The following NMU variants were observed in gnomAD, a reference collection of about 807,000 sequenced individuals.
The protein encoded by NMU is neuromedin-U.
Under a neutral mutation model 35.4 loss-of-function variants are expected in NMU, and 29 were observed. The ratio of observed to expected loss-of-function variants is 0.82; its 90% CI spans 0.61 to 1.12. The LOEUF is 1.12. Among genes scored for constraint, NMU ranks in the 50% most tolerant of loss-of-function variants. The probability of loss-of-function intolerance (pLI) is 0.00; values close to 1 mark genes in which losing one functional copy is unlikely to be tolerated. For synonymous variants in NMU, 78 were observed against 81.3 expected (o/e 0.96, Z 0.22); for missense variants, 199 against 206.2 (o/e 0.97, Z 0.21).
chr4:55,614,040 A>G (rs1165230768), intron 3 of NMU, among the ~76,000 whole-genome samples: 1 of 152,194 alleles, frequency 6.6e-6, no homozygotes, highest in East Asian at 1.9e-4. Flanking sequence ...CATTCCAAAG[A>G]GATGCATCTG....
intron 8 of NMU, 94 bp from the exon 9 acceptor site, chr4:55,599,275 G>T (rs79528255): frequency 6.1e-6 from 6 of 989,634 alleles, no homozygotes; most frequent in Non-Finnish European, 9.8e-6. Flanking sequence ...AGTGTTTAAC[G>T]TGCATCACAA....
chr4:55,597,721 G>C (rs1733248568), intron 9 of NMU, among the ~76,000 whole-genome samples: 1 of 152,100 alleles, frequency 6.6e-6, no homozygotes, highest in African/African-American at 2.4e-5. Flanking sequence ...CTATTAGTCT[G>C]TTTAGTGTTT....
intron 9 of NMU, among the ~76,000 whole-genome samples, chr4:55,598,533 C>A (rs1051849620): frequency 2.6e-5 from 4 of 152,134 alleles, no homozygotes; most frequent in Admixed American, 2.6e-4. Context: ...TTAGGATTAA[C>A]ATATTTATTA....
chr4:55,595,514 A>C (rs1733130519), intron 9 of NMU, 103 bp from the exon 10 acceptor site: 1 of 146,966 alleles, frequency 6.8e-6, no homozygotes, highest in Non-Finnish European at 1.5e-5. Flanking sequence ...TCATAGAATA[A>C]CAGTAGCATC....
chr4:55,626,744 A>T (rs1036033674), intron 2 of NMU, among the ~76,000 whole-genome samples: 1 of 152,146 alleles, frequency 6.6e-6, no homozygotes, highest in Non-Finnish European at 1.5e-5. Context: ...AAAAACCAAC[A>T]AAGGCCCTTA....
At chr4:55,600,374 T>C in intron 8 of NMU, 148 bp downstream of exon 8, 1 of 634,414 alleles carries the variant, frequency 1.6e-6, no homozygotes, top group South Asian at 2.0e-5. Flanking sequence ...AATAAGGTGG[T>C]GACAGAAGTG....
intron 8 of NMU, among the ~76,000 whole-genome samples, chr4:55,599,879 T>C (rs764994639): frequency 2.0e-5 from 3 of 152,188 alleles, no homozygotes; most frequent in Non-Finnish European, 4.4e-5. Flanking sequence ...TCCTAGAGCA[T>C]AGGAATGGAA....
chr4:55,598,172 GCCT>G lies in NMU; in HGVS notation c.*4+967_*4+969del, dbSNP rs1260094850. ...TGCAGAGGAAAGATCATAGCTCACA[GCCT>G]CAAACTCCTGGGCTCAAGCGATCCT... On this transcript the variant is annotated intron_variant, in intron 9 of 9. Coordinates refer to ENST00000264218, the MANE Select transcript of NMU (RefSeq NM_006681.4). Among the ~76,000 whole-genome samples, 4 of 135,726 alleles carry G rather than the reference GCCT, an allele frequency of 2.9e-5. No individual in the cohort carries two copies. The East Asian group carries it at 1.0e-3, about 34-fold the overall frequency. The allele number at this position is 135,726 out of a possible 152,430, so 89.0% of individuals were successfully genotyped here.
intron 9 of NMU, among the ~76,000 whole-genome samples, chr4:55,598,584 A>G (rs1001205763): frequency 2.6e-5 from 4 of 152,154 alleles, no homozygotes; most frequent in Admixed American, 2.0e-4. Context: ...TTTCTACTCT[A>G]TGTCCAGCAC....
chr4:55,599,523 G>C (rs1733341754), intron 8 of NMU, among the ~76,000 whole-genome samples: 1 of 152,116 alleles, frequency 6.6e-6, no homozygotes, highest in Non-Finnish European at 1.5e-5. Context: ...TGAACTTACT[G>C]AAGTCAGGGC....
intron 9 of NMU, among the ~76,000 whole-genome samples, chr4:55,597,835 T>C (rs1388485594): frequency 6.6e-6 from 1 of 152,120 alleles, no homozygotes; most frequent in African/African-American, 2.4e-5. Flanking sequence ...CAAAGTACTC[T>C]TTCATGATTT....
intron 6 of NMU, among the ~76,000 whole-genome samples, chr4:55,605,800 T>C (rs1480761172): frequency 6.6e-6 from 1 of 152,218 alleles, no homozygotes; most frequent in East Asian, 1.9e-4. Context: ...TAACCTCCTT[T>C]ATAAATTATA....
intron 2 of NMU, among the ~76,000 whole-genome samples, chr4:55,630,144 A>G (rs1466540509): frequency 6.6e-6 from 1 of 152,132 alleles, no homozygotes; most frequent in Admixed American, 6.5e-5. Context: ...TTTTAAGTAC[A>G]TACACATTTA....
At chr4:55,614,791 G>T (rs1246851983) in intron 3 of NMU, among the ~76,000 whole-genome samples, 2 of 152,112 alleles carry the variant, frequency 1.3e-5, no homozygotes, top group Non-Finnish European at 2.9e-5. Context: ...GGATGTTCCT[G>T]AATTTTAAAT....
chr4:55,596,145 C>A (rs1012969485), intron 9 of NMU, among the ~76,000 whole-genome samples: 6 of 152,062 alleles, frequency 3.9e-5, no homozygotes, highest in African/African-American at 1.4e-4. Context: ...ATATTTGCAA[C>A]TAAATCATTC....
At chr4:55,634,442 T>A (rs1305170718) in intron 1 of NMU, among the ~76,000 whole-genome samples, 1 of 152,172 alleles carries the variant, frequency 6.6e-6, no homozygotes, top group Non-Finnish European at 1.5e-5. Flanking sequence ...TCAGCAGATA[T>A]GCTCTTTTGG....
chr4:55,607,378 T>TA (rs1163854863), intron 5 of NMU, 30 bp from the exon 6 acceptor site: 1 of 1,443,818 alleles, frequency 6.9e-7, no homozygotes, highest in Non-Finnish European at 9.7e-7. Context: ...AGTTTTACTA[T>TA]AAAAATTAAT....
intron 2 of NMU, among the ~76,000 whole-genome samples, chr4:55,616,768 A>C (rs995039662): frequency 5.3e-5 from 8 of 152,230 alleles, no homozygotes; most frequent in African/African-American, 1.9e-4. Context: ...TCTTTATGAC[A>C]CATGAACCTA....
intron 2 of NMU, among the ~76,000 whole-genome samples, chr4:55,617,646 G>C (rs758598851): frequency 8.5e-5 from 13 of 152,188 alleles, no homozygotes; most frequent in Non-Finnish European, 1.6e-4. Context: ...TGAATTGAGA[G>C]GGGAAAGTCA....
Sources: allele counts gnomAD v4.1 joint callset (sites outside exome capture counted in the v4.1 genomes callset), GRCh38; gene constraint gnomAD v4.1.1; transcripts MANE v1.5; gene names NCBI Gene and HGNC (gene_info 2026-07-23, HGNC 2026-07-21).